EVI5: variants seen among roughly 807,000 people sequenced by gnomAD.
EVI5 encodes ecotropic viral integration site 5, also known as ecotropic viral integration site 5 protein homolog.
EVI5 carries 73 observed loss-of-function variants against 112.0 expected under a neutral mutation model. The observed-to-expected ratio is 0.65, with a 90% CI of 0.54 to 0.79. The LOEUF (loss-of-function observed/expected upper bound fraction) is 0.79, where lower values mean the gene tolerates loss of function less well. Ranked by LOEUF, EVI5 falls within the 30% of genes least tolerant of loss-of-function variation. The pLI is 0.00. For missense variants in EVI5, 900 were observed against 968.8 expected (o/e 0.93, Z 0.94); for synonymous variants, 305 against 319.9 (o/e 0.95, Z 0.50).
Position 92,690,745 on chromosome 1 carries a change from T to G in EVI5, c.1097+3057A>C, listed in dbSNP as rs141194903. On this transcript the variant is annotated intron_variant, in intron 9 of 19. Coordinates refer to ENST00000684568, the MANE Select transcript of EVI5 (RefSeq NM_001350197.2). ...GCCAAAGTATCAACTTACAAAGTAC[T>G]TACTGGGTGCCAAGAGGGAAAACAT... 4.3e-3 allele frequency among the ~76,000 whole-genome samples: 653 copies of G among 152,292 alleles called. 2 individuals are homozygous for G. Among genetic ancestry groups the G allele is most frequent in the Admixed American group, 0.011 (169 of 15,298 alleles).
intron 1 of EVI5, among the ~76,000 whole-genome samples, chr1:92,755,068 G>A (rs1570780571): frequency 3.0e-5 from 1 of 33,608 alleles, no homozygotes; most frequent in Non-Finnish European, 6.3e-5. Flanking sequence ...GTGAACATAG[G>A]TTTTTTTTTT....
At chr1:92,686,492 G>A (rs1668557383) in intron 9 of EVI5, among the ~76,000 whole-genome samples, 1 of 152,222 alleles carries the variant, frequency 6.6e-6, no homozygotes, top group African/African-American at 2.4e-5. Context: ...CACAAGGCAA[G>A]GATGCCCTCT....
intron 1 of EVI5, among the ~76,000 whole-genome samples, chr1:92,754,058 A>G (rs1680565232): frequency 6.6e-6 from 1 of 152,218 alleles, no homozygotes; most frequent in Non-Finnish European, 1.5e-5. Flanking sequence ...ATAACTTCAA[A>G]ATCAATGCCA....
At chr1:92,647,759 G>T (rs940357640) in intron 13 of EVI5, 1 of 174,890 alleles carries the variant, frequency 5.7e-6, no homozygotes, top group East Asian at 1.6e-4. Flanking sequence ...GGGGTGGGGG[G>T]TATAGAATTT....
Position 92,703,262 on chromosome 1 carries a change from T to A in EVI5, c.564+133A>T, listed in dbSNP as rs541142935. 601 of 602,008 alleles carry A rather than the reference T, an allele frequency of 1.0e-3. 6 individuals carry two copies. Among genetic ancestry groups the A allele is most frequent in the South Asian group, 1.4e-3 (66 of 46,748 alleles). The allele number at this position is 602,008 out of a possible 1,614,324, so 37.3% of individuals were successfully genotyped here. A position where few individuals can be genotyped will look rare whatever the true frequency, so the allele number is the denominator to read the frequency against. On this transcript the variant is annotated intron_variant, in intron 4 of 19. Transcript: ENST00000684568. The stretch of plus-strand genomic sequence containing the variant: ...TGTAGCATAAGAATTAAGGCAAAAA[T>A]GATGCTAAAACCAATTTCACTGCCA...
At chr1:92,784,261 C>G (rs1685297443) in intron 1 of EVI5, 1 of 979,452 alleles carries the variant, frequency 1.0e-6, no homozygotes, top group Non-Finnish European at 1.2e-6. Context: ...TACCGGAAAT[C>G]CTGAGGTTAA....
intron 1 of EVI5, among the ~76,000 whole-genome samples, chr1:92,772,723 T>C (rs1298738993): frequency 6.6e-6 from 1 of 151,800 alleles, no homozygotes; most frequent in Admixed American, 6.6e-5. Context: ...CTGCCAAAGA[T>C]GGTGAAACCC....
chr1:92,575,065 G>C (rs1056307980), intron 18 of EVI5, among the ~76,000 whole-genome samples: 3 of 152,138 alleles, frequency 2.0e-5, no homozygotes, highest in African/African-American at 7.2e-5. Context: ...CCCAGACTAG[G>C]AGGCAAATAT....
At chr1:92,589,300 G>C (rs953719267) in intron 18 of EVI5, among the ~76,000 whole-genome samples, 1 of 152,168 alleles carries the variant, frequency 6.6e-6, no homozygotes, top group Non-Finnish European at 1.5e-5. Flanking sequence ...CCGAGCGTGA[G>C]CCGAAGTAGG....
At chr1:92,743,829 T>C (rs1232550780) in intron 1 of EVI5, among the ~76,000 whole-genome samples, 1 of 152,190 alleles carries the variant, frequency 6.6e-6, no homozygotes, top group African/African-American at 2.4e-5. Flanking sequence ...AATTTTGTAA[T>C]TGTTTTCCTG....
chr1:92,571,480 A>G (rs973759421), intron 18 of EVI5, among the ~76,000 whole-genome samples: 10 of 152,264 alleles, frequency 6.6e-5, no homozygotes, highest in African/African-American at 2.4e-4. Flanking sequence ...AAATGTATCA[A>G]TAACCATTTA....
chr1:92,530,540 C>T (rs571331456), intron 19 of EVI5, among the ~76,000 whole-genome samples: 29 of 152,150 alleles, frequency 1.9e-4, no homozygotes, highest in African/African-American at 6.7e-4. Context: ...CAAGAGAGCT[C>T]TGGCTAGCAT....
chr1:92,784,705 G>T (rs1685384072), intron 1 of EVI5, 131 bp downstream of exon 1: 3 of 619,256 alleles, frequency 4.8e-6, no homozygotes, highest in Non-Finnish European at 6.1e-6. Context: ...AGGCGCGCCC[G>T]CCCCGCTCCC....
chr1:92,543,745 A>G (rs568290205), intron 19 of EVI5, among the ~76,000 whole-genome samples: 4 of 152,230 alleles, frequency 2.6e-5, no homozygotes, highest in Non-Finnish European at 5.9e-5. Context: ...ACAGATCACC[A>G]GAAGGTATAA....
rs925650835 is a variant in EVI5 at position 92,748,063 on chromosome 1, T to C, written c.-81-11436A>G. 4.0e-4 allele frequency among the ~76,000 whole-genome samples: 61 copies of C among 152,184 alleles called. 1 individual carries two copies. Among genetic ancestry groups the C allele is most frequent in the Admixed American group, 4.0e-3 (61 of 15,268 alleles). On this transcript the variant is annotated intron_variant, in intron 1 of 19. Transcript: ENST00000684568. ...TGTGATAGCTGGACTTCAACATATC[T>C]TTTTGAAGGACACAATCCAATCTGT...
chr1:92,580,696 T>G (rs911861024), intron 18 of EVI5: 1 of 168,990 alleles, frequency 5.9e-6, no homozygotes, highest in African/African-American at 2.4e-5. Flanking sequence ...GCAAATACAC[T>G]GAGCCTTGTC....
At chr1:92,717,816 C>T (rs1674014038) in intron 2 of EVI5, among the ~76,000 whole-genome samples, 1 of 151,654 alleles carries the variant, frequency 6.6e-6, no homozygotes, top group African/African-American at 2.4e-5. Flanking sequence ...CGTGCAAAGA[C>T]GCACATAGGC....
Position 92,510,271 on chromosome 1 carries a change from C to A in EVI5, c.*3385G>T, listed in dbSNP as rs1409477487. On this transcript the variant is annotated 3_prime_UTR_variant, in exon 20 of 20. Transcript: ENST00000684568. ...TTCTTATCTTAAAGTCAAACTATAA[C>A]CTTTACTCAATAAAGCATACTCTTA... 6.6e-6 allele frequency: 1 copy of A among 152,100 alleles called. No individual in the cohort carries two copies. Among genetic ancestry groups the A allele is most frequent in the Non-Finnish European group, 1.5e-5 (1 of 68,034 alleles). 9.4% of individuals were successfully genotyped at this position (152,100 alleles called of 1,614,324 possible). A position where few individuals can be genotyped will look rare whatever the true frequency, so the allele number is the denominator to read the frequency against.
chr1:92,757,262 A>G (rs1024740243), intron 1 of EVI5, among the ~76,000 whole-genome samples: 3 of 152,256 alleles, frequency 2.0e-5, no homozygotes, highest in African/African-American at 7.2e-5. Context: ...AAATTTGGAC[A>G]GACTCCAATT....
Sources: allele counts gnomAD v4.1 joint callset (sites outside exome capture counted in the v4.1 genomes callset), GRCh38; gene constraint gnomAD v4.1.1; transcripts MANE v1.5; gene names NCBI Gene and HGNC (gene_info 2026-07-23, HGNC 2026-07-21).